Variants in BLM observed in about 807,000 individuals in gnomAD.
The protein encoded by BLM is recQ-like DNA helicase BLM.
BLM carries 95 observed loss-of-function variants against 135.3 expected under a neutral mutation model. The ratio of observed to expected loss-of-function variants is 0.70; its 90% CI spans 0.59 to 0.83. The LOEUF (loss-of-function observed/expected upper bound fraction) is 0.83, where lower values mean the gene tolerates loss of function less well. BLM is among the 40% of genes least tolerant of loss of function. The probability of loss-of-function intolerance (pLI) is 0.00; values close to 1 mark genes in which losing one functional copy is unlikely to be tolerated. For synonymous variants in BLM, 520 were observed against 589.2 expected (o/e 0.88, Z 1.70); for missense variants, 1,518 against 1,663.9 (o/e 0.91, Z 1.53).
chr15:90,811,096 A>C (rs1172372763), intron 20 of BLM, 109 bp from the exon 21 acceptor site: 1 of 1,126,908 alleles, frequency 8.9e-7, no homozygotes, highest in Admixed American at 1.7e-5. Flanking sequence ...GCAGGGAAGC[A>C]GCTAGGTATC....
At position 90,760,609 on chromosome 15, in the gene BLM, G is replaced by A. The variant is rs762617509; in HGVS notation, c.1236G>A (p.Thr412=). ...CTCTCTTCAGAAGGAAACTTCTAAC[G>A]GAAGTAGATTTTAATAAAAGTGATG... ...QQRNIRRKLL[T]EVDFNKSDAS... The change falls in exon 7 of 22, where the codon ACG becomes ACA. Residue 412 remains threonine, a synonymous_variant. Transcript: ENST00000355112. 13 of 1,611,164 alleles carry A rather than the reference G, an allele frequency of 8.1e-6. No homozygotes were observed. The South Asian group carries it at 8.8e-5, about 11-fold the overall frequency.
chr15:90,743,788 C>T (rs954442081), intron 1 of BLM, among the ~76,000 whole-genome samples: 4 of 152,122 alleles, frequency 2.6e-5, no homozygotes, highest in African/African-American at 9.7e-5. Flanking sequence ...TCACCAACTT[C>T]CTGAAAGCAT....
In BLM at chr15:90,746,336, A is replaced by G. The variant is rs28384968; in HGVS notation, c.-4-1053A>G. Among the ~76,000 whole-genome samples, 793 of 152,326 alleles carry G rather than the reference A, an allele frequency of 5.2e-3. 5 individuals are homozygous for G. Among genetic ancestry groups the G allele is most frequent in the African/African-American group, 0.018 (769 of 41,572 alleles). On this transcript the variant is annotated intron_variant, in intron 1 of 21. Transcript: ENST00000355112. ...ATTCACATGCCAGTGTGAATTATTCAATGTTTATTAAATAACTAGCTATAT... is the reference window on the plus strand; with the variant it reads ...ATTCACATGCCAGTGTGAATTATTCGATGTTTATTAAATAACTAGCTATAT...
intron 20 of BLM, 117 bp from the exon 21 acceptor site, chr15:90,811,088 A>G: frequency 9.6e-7 from 1 of 1,044,886 alleles, no homozygotes; most frequent in Non-Finnish European, 1.5e-6. Context: ...TCCATATGGC[A>G]GGGAAGCAGC....
chr15:90,812,495 C>T (rs571604578), intron 21 of BLM, among the ~76,000 whole-genome samples: 3 of 152,268 alleles, frequency 2.0e-5, no homozygotes, highest in African/African-American at 4.8e-5. Context: ...TTCTGACAGC[C>T]GCTTTTTGAT....
chr15:90,773,757 T>C (rs553613816), intron 12 of BLM, among the ~76,000 whole-genome samples: 1 of 152,330 alleles, frequency 6.6e-6, no homozygotes, highest in South Asian at 2.1e-4. Context: ...ACTGACTTCT[T>C]TCACTGAGCA....
At chr15:90,741,082 C>A (rs1895352550) in intron 1 of BLM, among the ~76,000 whole-genome samples, 1 of 152,128 alleles carries the variant, frequency 6.6e-6, no homozygotes, top group African/African-American at 2.4e-5. Context: ...GTTCTGATTT[C>A]CCCACATTGT....
At chr15:90,777,024 A>G (rs1370552025) in intron 12 of BLM, among the ~76,000 whole-genome samples, 4 of 151,188 alleles carry the variant, frequency 2.6e-5, no homozygotes, top group African/African-American at 9.7e-5. Context: ...TGTTTTGGAG[A>G]TGGGGTCTTA....
chr15:90,754,721 A>G, intron 4 of BLM, 90 bp from the exon 5 acceptor site: 1 of 1,338,578 alleles, frequency 7.5e-7, no homozygotes, highest in Non-Finnish European at 1.0e-6. Context: ...TTGTCTGATC[A>G]GTGGTAGAAA....
intron 1 of BLM, among the ~76,000 whole-genome samples, chr15:90,739,395 C>T (rs1291218135): frequency 6.6e-6 from 1 of 151,970 alleles, no homozygotes; most frequent in African/African-American, 2.4e-5. Context: ...AGCAAGACTC[C>T]ATCTCAAAAA....
chr15:90,805,715 G>A (rs1184953939), intron 19 of BLM, among the ~76,000 whole-genome samples: 1 of 151,746 alleles, frequency 6.6e-6, no homozygotes, highest in Non-Finnish European at 1.5e-5. Flanking sequence ...TTGAACCCGC[G>A]AGGCAGGGTT....
At chr15:90,788,945 C>G (rs1896828949) in intron 14 of BLM, among the ~76,000 whole-genome samples, 1 of 149,248 alleles carries the variant, frequency 6.7e-6, no homozygotes, top group Non-Finnish European at 1.5e-5. Flanking sequence ...TGCATTCCAG[C>G]CTGGGCAACA....
chr15:90,738,646 A>T (rs746880812), intron 1 of BLM, among the ~76,000 whole-genome samples: 2 of 152,246 alleles, frequency 1.3e-5, no homozygotes, highest in Non-Finnish European at 2.9e-5. Context: ...AAATAGAGAA[A>T]GGACTCGAAT....
chr15:90,811,486 A>T, intron 21 of BLM, 80 bp downstream of exon 21: 1 of 1,432,468 alleles, frequency 7.0e-7, no homozygotes, highest in Non-Finnish European at 9.7e-7. Context: ...CTTGCTTTGA[A>T]GGATTTATTA....
At chr15:90,725,907 G>A (rs374873117) in intron 1 of BLM, among the ~76,000 whole-genome samples, 10 of 151,726 alleles carry the variant, frequency 6.6e-5, no homozygotes, top group African/African-American at 1.4e-4. Flanking sequence ...TTATATATAC[G>A]TACATACACA....
chr15:90,769,592 T>C lies in BLM; in HGVS notation c.2555+6T>C, dbSNP rs1596238993. 1 of 1,613,462 alleles carries C rather than the reference T, an allele frequency of 6.2e-7. No individual in the cohort carries two copies. ...AAGATTCTCAGACCTCAGGTGTAAG[T>C]TGTTGCACGTCACGTATTTGAGAAC... On this transcript the variant is annotated splice_donor_region_variant and intron_variant, in intron 12 of 21. Transcript: ENST00000355112.
chr15:90,738,480 G>A (rs1895277386), intron 1 of BLM, among the ~76,000 whole-genome samples: 1 of 152,002 alleles, frequency 6.6e-6, no homozygotes, highest in South Asian at 2.1e-4. Context: ...AGGCTGAGGT[G>A]GGAGGACCAC....
At chr15:90,785,383 G>T (rs1449919414) in intron 14 of BLM, among the ~76,000 whole-genome samples, 1 of 151,818 alleles carries the variant, frequency 6.6e-6, no homozygotes, top group Non-Finnish European at 1.5e-5. Context: ...CAGAATTTTT[G>T]ATCACCATAA....
At chr15:90,763,314 C>G (rs1436693986) in intron 8 of BLM, among the ~76,000 whole-genome samples, 157 bp downstream of exon 8, 1 of 152,230 alleles carries the variant, frequency 6.6e-6, no homozygotes, top group Middle Eastern at 3.4e-3. Context: ...TACTTTATAT[C>G]CTTTGTTCTG....
Sources: gnomAD v4.1 joint callset for allele counts (sites outside exome capture counted in the v4.1 genomes callset) on GRCh38, gnomAD v4.1.1 for gene constraint, MANE v1.5 for transcripts, NCBI Gene and HGNC (gene_info 2026-07-23, HGNC 2026-07-21) for gene names.